Variants in GSG1L observed in about 807,000 individuals in gnomAD.
The protein encoded by GSG1L is germ cell-specific gene 1-like protein.
GSG1L carries 24 observed loss-of-function variants against 42.1 expected under a neutral mutation model. That is an observed-to-expected ratio of 0.57 (90% CI 0.41 to 0.80). The LOEUF (loss-of-function observed/expected upper bound fraction) is 0.80, where lower values mean the gene tolerates loss of function less well. GSG1L is among the 30% of genes least tolerant of loss of function. GSG1L has a pLI of 0.00. For missense variants in GSG1L, 445 were observed against 472.2 expected, an observed-to-expected ratio of 0.94 and a Z score of 0.53; for synonymous variants, 215 against 203.5, an observed-to-expected ratio of 1.06 and a Z score of -0.48.
chr16:27,971,478 A>C (rs2085192621), intron 1 of GSG1L, among the ~76,000 whole-genome samples: 1 of 152,184 alleles, frequency 6.6e-6, no homozygotes, highest in Non-Finnish European at 1.5e-5. Context: ...ATATAATTAA[A>C]TTTTGTATAT....
At chr16:27,983,683 G>C (rs1567544559) in intron 1 of GSG1L, among the ~76,000 whole-genome samples, 1 of 152,084 alleles carries the variant, frequency 6.6e-6, no homozygotes, top group Non-Finnish European at 1.5e-5. Context: ...AAACTCCTAG[G>C]CTCAAGCAAT....
rs371180345 is a variant in GSG1L, at chr16:28,023,979, G to A, written c.349+39097C>T. On this transcript the variant is annotated intron_variant, in intron 1 of 6. Transcript: ENST00000447459. ...AAGGAGTTGGAGGGTGCAGTGAGCC[G>A]TGATCACACCACTGCACTCTAGCCT... Among the ~76,000 whole-genome samples the A allele has an allele frequency of 7.8e-4, 118 of 152,256 alleles. 1 individual carries two copies. Among genetic ancestry groups the A allele is most frequent in the African/African-American group, 2.3e-3 (95 of 41,546 alleles).
intron 2 of GSG1L, among the ~76,000 whole-genome samples, chr16:27,942,783 G>A (rs1166000179): frequency 6.6e-6 from 1 of 152,216 alleles, no homozygotes; most frequent in African/African-American, 2.4e-5. Context: ...GTCAAGGATA[G>A]AGAGATGGGA....
chr16:27,831,021 G>A (rs1168025993), intron 4 of GSG1L, among the ~76,000 whole-genome samples: 1 of 152,230 alleles, frequency 6.6e-6, no homozygotes, highest in East Asian at 1.9e-4. Flanking sequence ...ACCTCGGCTT[G>A]GCTAATGAAA....
chr16:27,977,239 A>C (rs899898727), intron 1 of GSG1L, among the ~76,000 whole-genome samples: 2 of 152,214 alleles, frequency 1.3e-5, no homozygotes, highest in Non-Finnish European at 2.9e-5. Context: ...TTAAGTCCTT[A>C]TCTGTCCAAG....
chr16:28,013,345 G>T (rs1243701218), intron 1 of GSG1L, among the ~76,000 whole-genome samples: 1 of 152,036 alleles, frequency 6.6e-6, no homozygotes, highest in Non-Finnish European at 1.5e-5. Flanking sequence ...GGCAAGTGAG[G>T]AGAGCTGGCG....
chr16:27,862,931 T>A (rs911371606), intron 3 of GSG1L, among the ~76,000 whole-genome samples: 1 of 150,526 alleles, frequency 6.6e-6, no homozygotes, highest in African/African-American at 2.5e-5. Context: ...TCTCTAGGGT[T>A]TTTTTTTTAG....
intron 1 of GSG1L, among the ~76,000 whole-genome samples, chr16:28,022,655 TTTTTGTTTTTTG>T (rs1291105472): frequency 6.6e-6 from 1 of 151,910 alleles, no homozygotes; most frequent in East Asian, 1.9e-4. Context: ...TATTTTTCTT[TTTTTGTTTTTTG>T]TTTTGTTTTG....
chr16:28,046,586 C>T (rs754699767), intron 1 of GSG1L, among the ~76,000 whole-genome samples: 3 of 152,050 alleles, frequency 2.0e-5, no homozygotes, highest in East Asian at 3.9e-4. Flanking sequence ...GATCTCCTGA[C>T]CTCATGATCC....
chr16:27,891,800 T>C (rs1473211306), intron 2 of GSG1L, among the ~76,000 whole-genome samples: 2 of 151,484 alleles, frequency 1.3e-5, no homozygotes, highest in Non-Finnish European at 2.9e-5. Flanking sequence ...TTCTCACTTC[T>C]CTGTAAGGAG....
chr16:28,008,512 C>A (rs2085672053), intron 1 of GSG1L, among the ~76,000 whole-genome samples: 2 of 152,216 alleles, frequency 1.3e-5, no homozygotes, highest in Admixed American at 1.3e-4. Flanking sequence ...CCACTGCTGC[C>A]CCTTGTCCAG....
At chr16:27,925,998 A>G (rs2084588117) in intron 2 of GSG1L, among the ~76,000 whole-genome samples, 1 of 152,226 alleles carries the variant, frequency 6.6e-6, no homozygotes, top group Admixed American at 6.5e-5. Context: ...TGGCGAGTAC[A>G]TGGTAAAATT....
intron 1 of GSG1L, among the ~76,000 whole-genome samples, chr16:28,010,101 C>A (rs1201055535): frequency 6.6e-6 from 1 of 152,126 alleles, no homozygotes; most frequent in Non-Finnish European, 1.5e-5. Flanking sequence ...GGAAGAGACA[C>A]CGGGAACTCC....
intron 1 of GSG1L, among the ~76,000 whole-genome samples, chr16:28,057,675 C>T (rs2086294309): frequency 6.6e-6 from 1 of 151,540 alleles, no homozygotes; most frequent in African/African-American, 2.4e-5. Context: ...CAGATGGCAG[C>T]AAGTCCCATT....
At chr16:27,822,781 A>T (rs2083164074) in intron 5 of GSG1L, among the ~76,000 whole-genome samples, 1 of 152,158 alleles carries the variant, frequency 6.6e-6, no homozygotes, top group South Asian at 2.1e-4. Flanking sequence ...GCAGGGACAG[A>T]GTGGTAACCA....
At position 27,909,353 on chromosome 16, in the gene GSG1L, CTTTT is replaced by C. The variant is rs2084354710; in HGVS notation, c.398-24719_398-24716del. 1.1e-4 allele frequency among the ~76,000 whole-genome samples: 16 copies of C among 148,596 alleles called. No individual in the cohort carries two copies. In the South Asian group the frequency reaches 3.5e-3, roughly 33 times the overall value. On this transcript the variant is annotated intron_variant, in intron 2 of 6. Transcript: ENST00000447459. ...TTTCTTTCTTTTTCTTTCTTTCTTT[CTTTT>C]TTCTTTCTTTCTTTCTTCTTTTTCT...
intron 2 of GSG1L, among the ~76,000 whole-genome samples, chr16:27,933,286 A>G (rs969122452): frequency 1.3e-5 from 2 of 152,148 alleles, no homozygotes; most frequent in Admixed American, 6.5e-5. Context: ...CTGTCTCACC[A>G]GAAACAAGTC....
chr16:27,854,698 T>C (rs1005735896), intron 3 of GSG1L, among the ~76,000 whole-genome samples: 2 of 152,176 alleles, frequency 1.3e-5, no homozygotes, highest in Non-Finnish European at 2.9e-5. Flanking sequence ...CCTGTGTTCA[T>C]CTGTGTCCAC....
intron 1 of GSG1L, among the ~76,000 whole-genome samples, chr16:28,017,907 A>C (rs2085797956): frequency 6.6e-6 from 1 of 152,220 alleles, no homozygotes; most frequent in African/African-American, 2.4e-5. Context: ...GGAGGGGCAC[A>C]CAAGGAATGT....
Sources: allele counts gnomAD v4.1 joint callset (sites outside exome capture counted in the v4.1 genomes callset), GRCh38; gene constraint gnomAD v4.1.1; transcripts MANE v1.5; gene names NCBI Gene and HGNC (gene_info 2026-07-23, HGNC 2026-07-21).